TLE4: variants seen among roughly 807,000 people sequenced by gnomAD.
TLE4 encodes TLE family member 4, transcriptional corepressor, also known as transducin-like enhancer protein 4.
In TLE4, 8 loss-of-function variants were observed where a neutral mutation model predicts 92.8. The observed-to-expected ratio is 0.09, with a 90% CI of 0.05 to 0.16. The LOEUF is 0.16. TLE4 is among the 10% of genes least tolerant of loss of function. TLE4 has a pLI of 1.00. For synonymous variants in TLE4, 371 were observed against 374.1 expected, an observed-to-expected ratio of 0.99 and a Z score of 0.10; for missense variants, 675 against 997.6, an observed-to-expected ratio of 0.68 and a Z score of 4.36.
At chr9:79,592,190 T>TCTTCTTCTTCTTCTG (rs1488072446) in intron 4 of TLE4, among the ~76,000 whole-genome samples, 1 of 101,620 alleles carries the variant, frequency 9.8e-6, no homozygotes. Context: ...TTCCTCTTCT[T>TCTTCTTCTTCTTCTG]CTTCTTCTTC....
At chr9:79,724,668 A>T (rs1308012995) in intron 19 of TLE4, among the ~76,000 whole-genome samples, 2 of 151,298 alleles carry the variant, frequency 1.3e-5, no homozygotes, top group Non-Finnish European at 2.9e-5. Context: ...ACTTAGTGAG[A>T]CCCTCTCTCT....
intron 8 of TLE4, chr9:79,671,689 G>A (rs117382881): frequency 0.021 from 3,310 of 161,258 alleles, 52 homozygotes; most frequent in Non-Finnish European, 0.032. Context: ...TCTTCAGACC[G>A]AGTTAACTGA....
chr9:79,694,841 G>A (rs2067881935), intron 8 of TLE4, among the ~76,000 whole-genome samples: 1 of 151,774 alleles, frequency 6.6e-6, no homozygotes, highest in Non-Finnish European at 1.5e-5. Flanking sequence ...CTCCTTGGGG[G>A]ATAAACATTT....
chr9:79,702,307 C>G (rs929072216), intron 8 of TLE4, among the ~76,000 whole-genome samples: 1 of 152,134 alleles, frequency 6.6e-6, no homozygotes, highest in Non-Finnish European at 1.5e-5. Flanking sequence ...GGCTGAACCT[C>G]TCTTTGGGAA....
At chr9:79,672,483 A>G (rs914381090) in intron 8 of TLE4, among the ~76,000 whole-genome samples, 19 of 152,208 alleles carry the variant, frequency 1.2e-4, no homozygotes, top group African/African-American at 3.9e-4. Flanking sequence ...CTCTGGATGT[A>G]TAGAGTCAGC....
chr9:79,724,150 C>G (rs754476065), intron 19 of TLE4, among the ~76,000 whole-genome samples: 21 of 151,448 alleles, frequency 1.4e-4, no homozygotes, highest in Non-Finnish European at 3.1e-4. Context: ...AGGCTTTTTA[C>G]TAGGAATATT....
intron 2 of TLE4, among the ~76,000 whole-genome samples, chr9:79,574,441 A>G (rs1237419388): frequency 1.3e-5 from 2 of 152,200 alleles, no homozygotes; most frequent in Non-Finnish European, 2.9e-5. Context: ...ATCATTCATA[A>G]GACATGCTTG....
chr9:79,572,746 T>C lies in TLE4; in HGVS notation c.-45T>C. The C allele has an allele frequency of 1.3e-6, 2 of 1,586,824 alleles. No homozygotes were observed. Among genetic ancestry groups the C allele is most frequent in the Non-Finnish European group, 1.7e-6 (2 of 1,167,418 alleles). On this transcript the variant is annotated 5_prime_UTR_variant, in exon 1 of 20. The change abolishes an upstream ATG in the 5' untranslated region. Transcript: ENST00000376552. The stretch of plus-strand genomic sequence containing the variant: ...TCCTCTTCGGGGTCATTAAAGCCAA[T>C]GAGCCGCGCGCCTCTGCCGAGCGCA...
intron 19 of TLE4, among the ~76,000 whole-genome samples, chr9:79,724,653 G>A (rs2076163486): frequency 6.6e-6 from 1 of 151,752 alleles, no homozygotes; most frequent in East Asian, 1.9e-4. Context: ...AGACCAGCCT[G>A]GGCAACTTAG....
At chr9:79,676,329 A>C (rs1013637369) in intron 8 of TLE4, among the ~76,000 whole-genome samples, 1 of 152,316 alleles carries the variant, frequency 6.6e-6, no homozygotes, top group East Asian at 1.9e-4. Context: ...AATTAATATA[A>C]GAAAATGCCT....
intron 8 of TLE4, among the ~76,000 whole-genome samples, chr9:79,674,780 C>A (rs1270295267): frequency 6.6e-6 from 1 of 152,106 alleles, no homozygotes; most frequent in East Asian, 1.9e-4. Context: ...TTTGGAATGT[C>A]ATCACACAGT....
intron 5 of TLE4, among the ~76,000 whole-genome samples, chr9:79,622,851 G>A (rs2051374817): frequency 6.6e-6 from 1 of 152,122 alleles, no homozygotes; most frequent in Non-Finnish European, 1.5e-5. Context: ...ATTCCTCTAA[G>A]ATGTGCTCTG....
chr9:79,676,700 T>G (rs1355318598), intron 8 of TLE4, among the ~76,000 whole-genome samples: 1 of 152,152 alleles, frequency 6.6e-6, no homozygotes, highest in Non-Finnish European at 1.5e-5. Context: ...TCTAGCCTTA[T>G]CTATGACGTC....
At chr9:79,593,344 C>T (rs1270376221) in intron 4 of TLE4, among the ~76,000 whole-genome samples, 1 of 152,100 alleles carries the variant, frequency 6.6e-6, no homozygotes, top group East Asian at 1.9e-4. Context: ...ACCCACACCT[C>T]CTACCACACA....
intron 4 of TLE4, chr9:79,580,245 T>C (rs1468830252): frequency 6.6e-6 from 1 of 152,204 alleles, no homozygotes. Context: ...GAGAAAATGC[T>C]GTCCAGGGCA....
intron 16 of TLE4, 32 bp downstream of exon 16, chr9:79,720,325 A>G (rs10217418): frequency 0.078 from 118,681 of 1,514,730 alleles, 7,995 homozygotes; most frequent in African/African-American, 0.14. Flanking sequence ...CCAGGTTGTG[A>G]GGAGGAGCCG....
chr9:79,621,384 A>G (rs953722433), intron 5 of TLE4, among the ~76,000 whole-genome samples: 2 of 152,172 alleles, frequency 1.3e-5, no homozygotes, highest in Non-Finnish European at 2.9e-5. Flanking sequence ...AGAAGAGATA[A>G]AATTGAGAAC....
At chr9:79,710,941 T>G (rs573377485) in intron 14 of TLE4, among the ~76,000 whole-genome samples, 5 of 152,298 alleles carry the variant, frequency 3.3e-5, no homozygotes, top group African/African-American at 9.6e-5. Context: ...AATGGATATG[T>G]GCTGATTTCT....
intron 8 of TLE4, among the ~76,000 whole-genome samples, chr9:79,682,617 A>G (rs2064958609): frequency 6.6e-6 from 1 of 152,206 alleles, no homozygotes; most frequent in African/African-American, 2.4e-5. Flanking sequence ...CAAACCAGTC[A>G]GCCAGCAATT....
Sources: gnomAD v4.1 joint callset for allele counts (sites outside exome capture counted in the v4.1 genomes callset) on GRCh38, gnomAD v4.1.1 for gene constraint, MANE v1.5 for transcripts, NCBI Gene and HGNC (gene_info 2026-07-23, HGNC 2026-07-21) for gene names.